EXTL3: variants seen among roughly 807,000 people sequenced by gnomAD.
EXTL3 encodes exostosin-like 3.
EXTL3 carries 27 observed loss-of-function variants against 69.3 expected under a neutral mutation model. That is an observed-to-expected ratio of 0.39 (90% confidence interval 0.29 to 0.54). The LOEUF is 0.54. Ranked by LOEUF, EXTL3 falls within the 20% of genes least tolerant of loss-of-function variation. The pLI is 0.69. For synonymous variants in EXTL3, 511 were observed against 499.4 expected, an observed-to-expected ratio of 1.02 and a Z score of -0.31; for missense variants, 1,003 against 1,231.8, an observed-to-expected ratio of 0.81 and a Z score of 2.78.
chr8:28,729,197 A>G (rs1459602173), intron 3 of EXTL3, among the ~76,000 whole-genome samples: 5 of 148,652 alleles, frequency 3.4e-5, no homozygotes, highest in Non-Finnish European at 7.4e-5. Context: ...TGGGAGGCTG[A>G]GGCAGGAGGA....
chr8:28,734,906 CT>C (rs1321710048), intron 4 of EXTL3, among the ~76,000 whole-genome samples: 2 of 152,170 alleles, frequency 1.3e-5, no homozygotes, highest in East Asian at 3.8e-4. Flanking sequence ...GGAGCAGAGG[CT>C]TTATTGCTCA....
rs567137383 is a variant in EXTL3 at position 28,750,009 on chromosome 8, G to A, written c.2551-648G>A. Reference sequence around the variant, plus strand: ...CATTTCTTATTACAGGCTCTGCCCTGTATTTAAAGAGATGGTTTATGTATT... The same window carrying A: ...CATTTCTTATTACAGGCTCTGCCCTATATTTAAAGAGATGGTTTATGTATT... On this transcript the variant is annotated intron_variant, in intron 6 of 6. Transcript: ENST00000220562. The surrounding 1 kb of genome is among the most constrained non-coding windows in gnomAD (Gnocchi z 5.2). 2.6e-5 allele frequency among the ~76,000 whole-genome samples: 4 copies of A among 152,294 alleles called. No homozygotes were observed. Among genetic ancestry groups the A allele is most frequent in the Admixed American group, 6.5e-5 (1 of 15,298 alleles).
intron 1 of EXTL3, among the ~76,000 whole-genome samples, chr8:28,650,635 G>C (rs938900297): frequency 6.6e-6 from 1 of 152,072 alleles, no homozygotes; most frequent in Non-Finnish European, 1.5e-5. Flanking sequence ...GGGATTACAG[G>C]CATGAGCCAC....
intron 1 of EXTL3, among the ~76,000 whole-genome samples, chr8:28,641,803 T>A (rs984529952): frequency 3.7e-4 from 56 of 152,016 alleles, no homozygotes; most frequent in African/African-American, 1.4e-3. Context: ...TAACTTTATT[T>A]TAAATTAAAT....
chr8:28,744,393 C>T (rs1801840460), intron 6 of EXTL3, among the ~76,000 whole-genome samples: 1 of 152,212 alleles, frequency 6.6e-6, no homozygotes, highest in Admixed American at 6.5e-5. Flanking sequence ...TGCGGTGGCT[C>T]ATGCCTGTAA....
chr8:28,675,787 C>A lies in EXTL3; in HGVS notation c.-52-37670C>A, dbSNP rs563653765. Among the ~76,000 whole-genome samples, 3 of 152,146 alleles carry A rather than the reference C, an allele frequency of 2.0e-5. No homozygotes were observed. In the South Asian group the frequency reaches 6.2e-4, roughly 32 times the overall value. ...CTGTAATCCCAGCACTTTGGGAGGC[C>A]AAGGCGGTCAGATCACTTGAGGTCA... On this transcript the variant is annotated intron_variant, in intron 1 of 6. Transcript: ENST00000523149.
chr8:28,707,144 A>G (rs1253442214), intron 1 of EXTL3, among the ~76,000 whole-genome samples: 2 of 152,232 alleles, frequency 1.3e-5, no homozygotes, highest in Non-Finnish European at 2.9e-5. Flanking sequence ...AGATTGCAAC[A>G]AGGTAATATT....
At position 28,737,543 on chromosome 8, in the gene EXTL3, C is replaced by T; in HGVS notation, c.2301C>T (p.Arg767=). ...GGGTGTGGAGAGAAGCTCGGGACCG[C>T]ATCGTGGGCTTCCCTGGCCGTTACC... is the stretch of plus-strand genomic sequence containing the variant. The part of the protein sequence containing the change: ...GFRVWREARD[R]IVGFPGRYHA... The change falls in exon 5 of 7, where the codon CGC becomes CGT. Residue 767 remains arginine, a synonymous_variant. Coordinates refer to ENST00000220562, the MANE Select transcript of EXTL3 (RefSeq NM_001440.4). 6.2e-7 allele frequency: 1 copy of T among 1,614,036 alleles called. No individual in the cohort carries two copies. Among genetic ancestry groups the T allele is most frequent in the Non-Finnish European group, 8.5e-7 (1 of 1,179,878 alleles).
At chr8:28,697,618 T>C (rs1363840400), upstream of EXTL3, 1 of 152,204 alleles carries the variant, frequency 6.6e-6, no homozygotes, top group Non-Finnish European at 1.5e-5. Context: ...GCAGATTGCC[T>C]GACCTCAGGA....
At chr8:28,707,120 G>A (rs1489877908) in intron 1 of EXTL3, among the ~76,000 whole-genome samples, 1 of 152,006 alleles carries the variant, frequency 6.6e-6, no homozygotes, top group Non-Finnish European at 1.5e-5. Context: ...AATGTAATGA[G>A]GTGTTCTTTA....
At chr8:28,692,968 A>AT (rs1310081515) in intron 1 of EXTL3, among the ~76,000 whole-genome samples, 1 of 152,012 alleles carries the variant, frequency 6.6e-6, no homozygotes, top group Non-Finnish European at 1.5e-5. Context: ...AACTGAGCAC[A>AT]TTTTTGCTAC....
intron 1 of EXTL3, among the ~76,000 whole-genome samples, chr8:28,642,660 G>A (rs1403581062): frequency 4.6e-5 from 7 of 151,998 alleles, no homozygotes; most frequent in Admixed American, 2.0e-4. Context: ...GGAACCGATT[G>A]ACCAATATAT....
rs771666130 is a variant in EXTL3 at position 28,752,857 on chromosome 8, T to C, written c.*1991T>C. 3.9e-5 allele frequency: 6 copies of C among 152,794 alleles called. No homozygotes were observed. Among genetic ancestry groups the C allele is most frequent in the Non-Finnish European group, 8.8e-5 (6 of 68,162 alleles). 9.5% of individuals were successfully genotyped at this position (152,794 alleles called of 1,614,324 possible). On this transcript the variant is annotated 3_prime_UTR_variant, in exon 7 of 7. Coordinates refer to ENST00000220562, the MANE Select transcript of EXTL3 (RefSeq NM_001440.4). The stretch of plus-strand genomic sequence containing the variant: ...GGCTGCTATTTCATCTGGTTTCTTT[T>C]AATGTGAGGAACTCACATACTGACT...
chr8:28,676,825 C>G (rs1440675118), intron 1 of EXTL3, among the ~76,000 whole-genome samples: 2 of 152,084 alleles, frequency 1.3e-5, no homozygotes, highest in Non-Finnish European at 2.9e-5. Flanking sequence ...CTAAGCATCA[C>G]CTGGAGAGTG....
rs1478171370 is a variant in EXTL3 at position 28,731,369 on chromosome 8, A to G, written c.2276+19A>G. ...GGTTCCGGTGAGAGACTAATTTCCA[A>G]TCAAAACTTTAGGTTGCAAGTGACA... On this transcript the variant is annotated intron_variant, in intron 4 of 6. Transcript: ENST00000220562. 2.5e-6 allele frequency: 4 copies of G among 1,614,050 alleles called. No homozygotes were observed. Among genetic ancestry groups the G allele is most frequent in the African/African-American group, 2.7e-5 (2 of 74,940 alleles).
intron 1 of EXTL3, among the ~76,000 whole-genome samples, chr8:28,642,490 T>C (rs1806760592): frequency 6.7e-6 from 1 of 148,828 alleles, no homozygotes; most frequent in Non-Finnish European, 1.5e-5. Flanking sequence ...TGGTAGCTCA[T>C]ACCTGTAATC....
chr8:28,672,071 A>C lies in EXTL3; in HGVS notation c.-52-41386A>C, dbSNP rs548810545. ...TCATCCCTTAAGTAGCAAAGAGGAG[A>C]TGGAGGTTGCTGAAGTGTGTAATTG... is the stretch of plus-strand genomic sequence containing the variant. On this transcript the variant is annotated intron_variant, in intron 1 of 6. Transcript: ENST00000523149. Among the ~76,000 whole-genome samples the C allele has an allele frequency of 5.9e-5, 9 of 152,196 alleles. No individual in the cohort carries two copies. The East Asian group carries it at 1.7e-3, about 29-fold the overall frequency.
chr8:28,750,856 A>C lies in EXTL3; in HGVS notation c.2750A>C (p.Lys917Thr). 1.9e-6 allele frequency: 3 copies of C among 1,614,032 alleles called. No individual in the cohort carries two copies. The highest frequency in any genetic ancestry group is 2.5e-6 in the Non-Finnish European group (3 of 1,179,944). The change falls in exon 7 of 7, where the codon AAG becomes ACG. Residue 917 changes from lysine to threonine, a missense_variant. By Grantham distance (78) the Lys-to-Thr change is moderately conservative. Coordinates refer to ENST00000220562, the MANE Select transcript of EXTL3 (RefSeq NM_001440.4). The surrounding 1 kb of genome is among the most constrained non-coding windows in gnomAD (Gnocchi z 5.2). ...CCCCATGACAAGACCAAGTGCTTCA[A>C]GTTCATCTAGGGGCAGCGCACGGTC... ...RLPHDKTKCF[K>T]FI
Position 28,754,033 on chromosome 8 carries a change from C to CGTGTGT in EXTL3, c.*3190_*3195dup, listed in dbSNP as rs71549699. On this transcript the variant is annotated 3_prime_UTR_variant, in exon 7 of 7. Transcript: ENST00000220562. Reference sequence around the variant, plus strand: ...AATTTTTTCATGGGAATTTAAAATGCGTGTGTGTGTGTGTGTGTGTGTGTG... The same window carrying CGTGTGT: ...AATTTTTTCATGGGAATTTAAAATGCGTGTGTGTGTGTGTGTGTGTGTGTGTGTGTG... 0.035 allele frequency: 4,955 copies of CGTGTGT among 142,164 alleles called. 180 individuals are homozygous for CGTGTGT. Among genetic ancestry groups the CGTGTGT allele is most frequent in the Admixed American group, 0.083 (1,207 of 14,466 alleles). 8.8% of individuals were successfully genotyped at this position (142,164 alleles called of 1,614,324 possible).
Sources: allele counts gnomAD v4.1 joint callset (sites outside exome capture counted in the v4.1 genomes callset), GRCh38; gene constraint gnomAD v4.1.1; non-coding constraint Gnocchi (gnomAD v3.1); transcripts MANE v1.5; gene names NCBI Gene and HGNC (gene_info 2026-07-23, HGNC 2026-07-21).